The following TRPC5 variants were observed in gnomAD, a reference collection of about 807,000 sequenced individuals.
TRPC5 encodes the protein transient receptor potential cation channel subfamily C member 5, also known as short transient receptor potential channel 5.
TRPC5 carries 9 observed loss-of-function variants against 56.5 expected under a neutral mutation model. The ratio of observed to expected loss-of-function variants is 0.16; its 90% CI spans 0.10 to 0.28. The LOEUF (loss-of-function observed/expected upper bound fraction) is 0.28, where lower values mean the gene tolerates loss of function less well. Among genes scored for constraint, TRPC5 ranks in the 10% least tolerant of loss-of-function variants. The pLI, the probability that TRPC5 is intolerant of heterozygous loss-of-function variation, is 1.00. For missense variants in TRPC5, 469 were observed against 748.9 expected (o/e 0.63, Z 4.36); for synonymous variants, 282 against 278.5 (o/e 1.01, Z -0.13).
chrX:111,957,952 GTAATATC>G (rs1402559806), intron 1 of TRPC5, among the ~76,000 whole-genome samples: 2 of 112,041 alleles, frequency 1.8e-5, no homozygotes, highest in East Asian at 5.6e-4. Context: ...CACAGAGGAA[GTAATATC>G]TGAGCTGTGT....
At chrX:112,012,836 A>G (rs1929026229) in intron 1 of TRPC5, among the ~76,000 whole-genome samples, 1 of 111,718 alleles carries the variant, frequency 9.0e-6, no homozygotes, top group Admixed American at 9.5e-5. Context: ...CTCCAGTTCT[A>G]CGATCCTAAT....
chrX:111,811,470 T>C (rs1397487783), intron 7 of TRPC5, among the ~76,000 whole-genome samples: 1 of 112,592 alleles, frequency 8.9e-6, no homozygotes, highest in Non-Finnish European at 1.9e-5. Context: ...AAACTCTCAC[T>C]GTCCTGAAAT....
chrX:111,936,736 G>A (rs1926594294), intron 2 of TRPC5, among the ~76,000 whole-genome samples: 1 of 97,631 alleles, frequency 1.0e-5, no homozygotes, highest in South Asian at 5.2e-4. Context: ...TCTTAATCCA[G>A]TCTATCATTG....
intron 1 of TRPC5, among the ~76,000 whole-genome samples, chrX:112,003,485 T>A (rs1928753034): frequency 9.0e-6 from 1 of 110,517 alleles, no homozygotes; most frequent in South Asian, 3.8e-4. Flanking sequence ...AAGGAAGTGA[T>A]AGGAGGTGAG....
intron 3 of TRPC5, among the ~76,000 whole-genome samples, chrX:111,898,977 C>T (rs761656082): frequency 2.7e-5 from 3 of 110,317 alleles, no homozygotes; most frequent in Admixed American, 1.9e-4. Context: ...CCCCTTTAGG[C>T]TAGTTAAGGT....
At position 111,975,760 on chromosome X, in the gene TRPC5, C is replaced by T. The variant is rs137871041; in HGVS notation, c.-21-23319G>A. On this transcript the variant is annotated intron_variant, in intron 1 of 10. Transcript: ENST00000262839. The stretch of plus-strand genomic sequence containing the variant: ...AAATACAAAAAAGAAAAAAATTAGC[C>T]GGGCGTGGCGGCGTGCGCCTGTAGT... Among the ~76,000 whole-genome samples the T allele has an allele frequency of 8.2e-3, 911 of 111,589 alleles. 9 individuals carry two copies. Among genetic ancestry groups the T allele is most frequent in the African/African-American group, 0.028 (854 of 30,746 alleles).
intron 3 of TRPC5, among the ~76,000 whole-genome samples, chrX:111,863,956 A>G (rs1279319400): frequency 9.0e-6 from 1 of 111,457 alleles, no homozygotes; most frequent in Admixed American, 9.5e-5. Context: ...TATTCCTGGG[A>G]TAAATTCTAC....
chrX:112,006,517 G>T lies in TRPC5; in HGVS notation c.-21-54076C>A, dbSNP rs924479924. 2.7e-5 allele frequency among the ~76,000 whole-genome samples: 3 copies of T among 111,313 alleles called. No individual in the cohort carries two copies. In the Admixed American group the frequency reaches 2.9e-4, roughly 11 times the overall value. ...GAGGTTCAGAGAGGCTACGGAATTT[G>T]CCCAAAGTCATACAGCTAACAAGTG... On this transcript the variant is annotated intron_variant, in intron 1 of 10. Transcript: ENST00000262839.
chrX:111,987,863 G>A (rs906097009), intron 1 of TRPC5, among the ~76,000 whole-genome samples: 2 of 112,109 alleles, frequency 1.8e-5, no homozygotes, highest in African/African-American at 6.5e-5. Flanking sequence ...TCAAATGATT[G>A]AATGAAGGCC....
chrX:112,005,434 A>G, intron 1 of TRPC5, among the ~76,000 whole-genome samples: 1 of 103,992 alleles, frequency 9.6e-6, no homozygotes, highest in East Asian at 3.0e-4. Context: ...ACAAACTTGC[A>G]CATGTACCCC....
chrX:111,886,874 T>C (rs1924529067), intron 3 of TRPC5, among the ~76,000 whole-genome samples: 1 of 112,859 alleles, frequency 8.9e-6, no homozygotes, highest in Admixed American at 9.4e-5. Flanking sequence ...CACTATGTTA[T>C]CCTGAGGACA....
chrX:112,002,783 A>G (rs1928730913), intron 1 of TRPC5, among the ~76,000 whole-genome samples: 2 of 112,295 alleles, frequency 1.8e-5, no homozygotes, highest in Admixed American at 1.9e-4. Context: ...ACAATCTTTC[A>G]TTTGTTTTAA....
intron 1 of TRPC5, among the ~76,000 whole-genome samples, chrX:111,977,242 T>G (rs1480290627): frequency 9.0e-6 from 1 of 111,578 alleles, no homozygotes; most frequent in Non-Finnish European, 1.9e-5. Flanking sequence ...CTAAGTTATA[T>G]TATAGTAATT....
chrX:111,970,383 T>A (rs1450377658), intron 1 of TRPC5, among the ~76,000 whole-genome samples: 2 of 111,866 alleles, frequency 1.8e-5, no homozygotes, highest in African/African-American at 6.5e-5. Flanking sequence ...CTCAAGAAGT[T>A]CTGCTGAGTA....
chrX:111,819,971 T>A (rs1285417132), intron 7 of TRPC5, among the ~76,000 whole-genome samples: 2 of 112,193 alleles, frequency 1.8e-5, no homozygotes, highest in Non-Finnish European at 3.8e-5. Context: ...CCTACTTTCA[T>A]AGAGCTCTTG....
At chrX:111,993,356 A>G (rs1354279574) in intron 1 of TRPC5, among the ~76,000 whole-genome samples, 1 of 112,088 alleles carries the variant, frequency 8.9e-6, no homozygotes, top group African/African-American at 3.2e-5. Flanking sequence ...GTGCCACAAT[A>G]AACATATGTG....
At chrX:111,994,184 G>A (rs1015054964) in intron 1 of TRPC5, among the ~76,000 whole-genome samples, 1 of 111,191 alleles carries the variant, frequency 9.0e-6, no homozygotes, top group Non-Finnish European at 1.9e-5. Flanking sequence ...TCTTGTTTTT[G>A]TCAGGTTTGT....
At chrX:111,812,957 A>C (rs747536840) in intron 7 of TRPC5, among the ~76,000 whole-genome samples, 2 of 112,403 alleles carry the variant, frequency 1.8e-5, no homozygotes, top group African/African-American at 6.5e-5. Context: ...TCCAAGAGAT[A>C]TCATCCCCAA....
chrX:111,856,812 C>T (rs1365016970), intron 3 of TRPC5, among the ~76,000 whole-genome samples: 1 of 98,480 alleles, frequency 1.0e-5, no homozygotes, highest in Non-Finnish European at 2.0e-5. Flanking sequence ...GAGCGAGACT[C>T]CATCTCCAAA....
Sources: allele counts gnomAD v4.1 joint callset (sites outside exome capture counted in the v4.1 genomes callset), GRCh38; gene constraint gnomAD v4.1.1; transcripts MANE v1.5; gene names NCBI Gene and HGNC (gene_info 2026-07-23, HGNC 2026-07-21).